PLCG2: variants seen among roughly 807,000 people sequenced by gnomAD.
PLCG2 encodes the protein 1-phosphatidylinositol 4,5-bisphosphate phosphodiesterase gamma-2.
A neutral mutation model predicts 175.6 loss-of-function variants in PLCG2; 69 were observed. The observed-to-expected ratio is 0.39, with a 90% CI of 0.32 to 0.48. The LOEUF (loss-of-function observed/expected upper bound fraction) is 0.48, where lower values mean the gene tolerates loss of function less well. PLCG2 is among the 20% of genes least tolerant of loss of function. The pLI is 0.91. For synonymous variants in PLCG2, 827 were observed against 624.0 expected, an observed-to-expected ratio of 1.33 and a Z score of -4.85; for missense variants, 1,798 against 1,650.9, an observed-to-expected ratio of 1.09 and a Z score of -1.54.
intron 2 of PLCG2, among the ~76,000 whole-genome samples, chr16:81,820,225 A>C (rs948279342): frequency 6.6e-6 from 1 of 152,178 alleles, no homozygotes; most frequent in Admixed American, 6.5e-5. Flanking sequence ...ATGTGTAGAC[A>C]TGTGTAACCA....
intron 31 of PLCG2, among the ~76,000 whole-genome samples, chr16:81,948,576 C>T (rs1911243457): frequency 6.6e-6 from 1 of 152,156 alleles, no homozygotes; most frequent in African/African-American, 2.4e-5. Context: ...GCTTGAATCC[C>T]TTTGTAGAAG....
Position 81,836,072 on chromosome 16 carries a change from A to AC in PLCG2, c.194-18367dup, listed in dbSNP as rs560973308. Among the ~76,000 whole-genome samples the AC allele has an allele frequency of 7.5e-4, 114 of 152,100 alleles. No homozygotes were observed. In the Middle Eastern group the frequency reaches 0.014, roughly 18 times the overall value. ...GTATGTTTTTGGGGGATGCAGTTCA[A>AC]CCCCCAACATTACCCGTTTATACTT... is the stretch of plus-strand genomic sequence containing the variant. On this transcript the variant is annotated intron_variant, in intron 2 of 32. Coordinates refer to ENST00000564138, the MANE Select transcript of PLCG2 (RefSeq NM_002661.5).
intron 7 of PLCG2, among the ~76,000 whole-genome samples, chr16:81,875,827 T>A (rs777321687): frequency 6.6e-6 from 1 of 152,102 alleles, no homozygotes; most frequent in Non-Finnish European, 1.5e-5. Context: ...CAGTAAGGCA[T>A]TGAAGGATTA....
At chr16:81,781,894 C>CG (rs1910752641) in intron 1 of PLCG2, among the ~76,000 whole-genome samples, 1 of 131,576 alleles carries the variant, frequency 7.6e-6, no homozygotes, top group Non-Finnish European at 1.6e-5. Flanking sequence ...GCCCCCGAGA[C>CG]GGAGTCTTGC....
intron 25 of PLCG2, among the ~76,000 whole-genome samples, chr16:81,932,294 G>T (rs187688638): frequency 3.2e-4 from 49 of 152,236 alleles, no homozygotes; most frequent in African/African-American, 1.1e-3. Flanking sequence ...CACTTCTCTG[G>T]GCCTCAGTTT....
intron 1 of PLCG2, among the ~76,000 whole-genome samples, chr16:81,781,872 C>G (rs11649360): frequency 2.5e-5 from 3 of 119,944 alleles, no homozygotes; most frequent in Admixed American, 9.1e-5. Flanking sequence ...CTTTCCCCCC[C>G]CCCCCCCGCC....
intron 3 of PLCG2, among the ~76,000 whole-genome samples, chr16:81,854,945 C>T (rs1906607010): frequency 6.6e-6 from 1 of 152,132 alleles, no homozygotes; most frequent in Admixed American, 6.5e-5. Flanking sequence ...ACGCTGGGCT[C>T]ATCCCTGTAA....
intron 2 of PLCG2, among the ~76,000 whole-genome samples, chr16:81,849,267 CAA>C (rs999823474): frequency 6.6e-6 from 1 of 152,112 alleles, no homozygotes; most frequent in African/African-American, 2.4e-5. Flanking sequence ...CCTCCATAGA[CAA>C]GAGATAATGG....
intron 2 of PLCG2, among the ~76,000 whole-genome samples, chr16:81,834,862 A>G (rs1282158374): frequency 2.0e-5 from 3 of 152,162 alleles, no homozygotes; most frequent in African/African-American, 7.2e-5. Context: ...TTTTATGGCT[A>G]ACTCTGGATT....
intron 1 of PLCG2, among the ~76,000 whole-genome samples, chr16:81,745,099 A>C (rs1909677926): frequency 6.6e-6 from 1 of 152,176 alleles, no homozygotes; most frequent in Admixed American, 6.5e-5. Context: ...GTTGTAAATG[A>C]CCTCCAGCAA....
intron 2 of PLCG2, among the ~76,000 whole-genome samples, chr16:81,762,913 C>T (rs765689685): frequency 6.6e-6 from 1 of 151,994 alleles, no homozygotes; most frequent in Non-Finnish European, 1.5e-5. Flanking sequence ...TTTTAATTAG[C>T]GGGAATGGTA....
chr16:81,942,863 C>G (rs1911002819), intron 30 of PLCG2, among the ~76,000 whole-genome samples: 1 of 150,518 alleles, frequency 6.6e-6, no homozygotes, highest in Admixed American at 6.6e-5. Context: ...TAAAAGGTGT[C>G]TGTATTTCCC....
At position 81,824,195 on chromosome 16, in the gene PLCG2, G is replaced by A. The variant is rs558608411; in HGVS notation, c.194-30249G>A. On this transcript the variant is annotated intron_variant, in intron 2 of 32. Coordinates refer to ENST00000564138, the MANE Select transcript of PLCG2 (RefSeq NM_002661.5). Reference sequence around the variant, plus strand: ...GTCACCCAGGCTGGAGTGCAATGGCGTGATCTCAGCTCACCGCAACCTCCA... The same window carrying A: ...GTCACCCAGGCTGGAGTGCAATGGCATGATCTCAGCTCACCGCAACCTCCA... Among the ~76,000 whole-genome samples the A allele has an allele frequency of 9.4e-4, 140 of 149,318 alleles. 1 individual carries two copies. The highest frequency in any genetic ancestry group is 3.1e-3 in the African/African-American group (127 of 40,552).
At chr16:81,778,439 C>T (rs1236879764), upstream of PLCG2, among the ~76,000 whole-genome samples, 1 of 152,162 alleles carries the variant, frequency 6.6e-6, no homozygotes, top group African/African-American at 2.4e-5. Flanking sequence ...TGTCTAGGTG[C>T]CCCTGAAACT....
chr16:81,859,943 C>G (rs1906884333), intron 5 of PLCG2, among the ~76,000 whole-genome samples: 1 of 152,116 alleles, frequency 6.6e-6, no homozygotes, highest in African/African-American at 2.4e-5. Context: ...AGCTCCCTAT[C>G]AGTCCTGCAC....
intron 30 of PLCG2, among the ~76,000 whole-genome samples, chr16:81,945,539 C>T (rs1052083533): frequency 6.6e-6 from 1 of 152,178 alleles, no homozygotes; most frequent in African/African-American, 2.4e-5. Flanking sequence ...GCCAGCAAAC[C>T]AACCTTTGAG....
At chr16:81,915,882 T>A (rs1222782557) in intron 19 of PLCG2, among the ~76,000 whole-genome samples, 1 of 152,194 alleles carries the variant, frequency 6.6e-6, no homozygotes, top group Non-Finnish European at 1.5e-5. Flanking sequence ...TATAAAAAAT[T>A]AAGACATTAC....
At position 81,771,057 on chromosome 16, in the gene PLCG2, C is replaced by CAA. The variant is rs762815312; in HGVS notation, c.-47-14872_-47-14871dup. Among the ~76,000 whole-genome samples, 774 of 94,506 alleles carry CAA rather than the reference C, an allele frequency of 8.2e-3. 3 individuals are homozygous for CAA. Among genetic ancestry groups the CAA allele is most frequent in the African/African-American group, 0.017 (349 of 19,946 alleles). 62.0% of individuals were successfully genotyped at this position (94,506 alleles called of 152,430 possible). A position where few individuals can be genotyped will look rare whatever the true frequency, so the allele number is the denominator to read the frequency against. ...TTGGTGACAGAGCGAGACTCCATCTCAAAAAAAAAAAAAAATAAATAAATA... is the reference window on the plus strand; with the variant it reads ...TTGGTGACAGAGCGAGACTCCATCTCAAAAAAAAAAAAAAAAATAAATAAATA... On this transcript the variant is annotated intron_variant, in intron 2 of 5. Transcript: ENST00000565054.
At chr16:81,900,051 C>T (rs1358784860) in intron 13 of PLCG2, among the ~76,000 whole-genome samples, 1 of 152,138 alleles carries the variant, frequency 6.6e-6, no homozygotes, top group Non-Finnish European at 1.5e-5. Flanking sequence ...TATAAATACA[C>T]AGACACCTTA....
Sources: allele counts gnomAD v4.1 joint callset (sites outside exome capture counted in the v4.1 genomes callset), GRCh38; gene constraint gnomAD v4.1.1; transcripts MANE v1.5; gene names NCBI Gene and HGNC (gene_info 2026-07-23, HGNC 2026-07-21).